Variants in EFCAB14 observed in about 807,000 individuals in gnomAD.
The protein encoded by EFCAB14 is EF-hand calcium-binding domain-containing protein 14.
In EFCAB14, 43 loss-of-function variants were observed where a neutral mutation model predicts 56.5. The observed-to-expected ratio is 0.76, with a 90% CI of 0.60 to 0.98. The LOEUF is 0.98. EFCAB14 is among the 50% of genes least tolerant of loss of function. The pLI is 0.00. For synonymous variants in EFCAB14, 235 were observed against 212.9 expected (o/e 1.10, Z -0.90); for missense variants, 538 against 580.3 (o/e 0.93, Z 0.75).
chr1:46,679,483 AGTAGAGATG>A, intron 10 of EFCAB14, among the ~76,000 whole-genome samples: 1 of 149,614 alleles, frequency 6.7e-6, no homozygotes, highest in East Asian at 2.0e-4. Flanking sequence ...TTTAATGTTT[AGTAGAGATG>A]GGGTTTCACC....
chr1:46,699,100 A>G (rs755978404), intron 3 of EFCAB14, among the ~76,000 whole-genome samples: 2 of 152,224 alleles, frequency 1.3e-5, no homozygotes, highest in Non-Finnish European at 2.9e-5. Context: ...GGAGCTTTCA[A>G]TATAACTGAG....
At chr1:46,692,025 T>C in intron 4 of EFCAB14, 88 bp from the exon 5 acceptor site, 1 of 935,818 alleles carries the variant, frequency 1.1e-6, no homozygotes, top group Non-Finnish European at 1.6e-6. Flanking sequence ...ATGTATAATT[T>C]GAATGTTTTG....
rs1271238869 is a variant in EFCAB14, at chr1:46,677,590, T to G, written c.*871A>C. The G allele has an allele frequency of 6.6e-6, 1 of 151,784 alleles. No homozygotes were observed. Among genetic ancestry groups the G allele is most frequent in the East Asian group, 1.9e-4 (1 of 5,176 alleles). 9.4% of individuals were successfully genotyped at this position (151,784 alleles called of 1,614,324 possible). ...CGGCTTTAAGACAGACTTAAGTGGG[T>G]GGGTGGGGAAGGCAATCTAGCTCAC... On this transcript the variant is annotated 3_prime_UTR_variant, in exon 11 of 11. Coordinates refer to ENST00000371933, the MANE Select transcript of EFCAB14 (RefSeq NM_014774.3).
chr1:46,713,969 T>C (rs1677348743), intron 2 of EFCAB14, among the ~76,000 whole-genome samples: 1 of 152,158 alleles, frequency 6.6e-6, no homozygotes, highest in South Asian at 2.1e-4. Context: ...GTTTCTTATA[T>C]CATACTCTAA....
At chr1:46,678,660 A>G in intron 10 of EFCAB14, 24 bp from the exon 11 acceptor site, 1 of 1,601,518 alleles carries the variant, frequency 6.2e-7, no homozygotes, top group Non-Finnish European at 8.5e-7. Context: ...ATTACAAAAA[A>G]TGTATACGTC....
chr1:46,685,778 T>C (rs994507299), intron 8 of EFCAB14, among the ~76,000 whole-genome samples: 1 of 152,214 alleles, frequency 6.6e-6, no homozygotes, highest in African/African-American at 2.4e-5. Context: ...ATTAGTTTTT[T>C]TGTGCTCAAA....
chr1:46,710,226 T>C (rs1472117347), intron 2 of EFCAB14, among the ~76,000 whole-genome samples: 1 of 152,204 alleles, frequency 6.6e-6, no homozygotes, highest in African/African-American at 2.4e-5. Context: ...AATTGATATA[T>C]GGTAATTGTA....
At chr1:46,701,686 T>C (rs1330314301) in intron 3 of EFCAB14, among the ~76,000 whole-genome samples, 2 of 152,312 alleles carry the variant, frequency 1.3e-5, no homozygotes, top group East Asian at 3.9e-4. Context: ...CTGCTGCACT[T>C]TTCTCTGTGC....
rs150617933 is a variant in EFCAB14 at position 46,681,259 on chromosome 1, G to A, written c.1312+2041C>T. Among the ~76,000 whole-genome samples the A allele has an allele frequency of 1.1e-4, 17 of 152,168 alleles. No individual in the cohort carries two copies. The East Asian group carries it at 2.3e-3, about 21-fold the overall frequency. ...CAGGCATGAGCCACTGCACCTGGCC[G>A]TATATACATAACATTTAAAAAATAC... On this transcript the variant is annotated intron_variant, in intron 10 of 10. Transcript: ENST00000371933.
At chr1:46,696,680 A>C (rs1417434126) in intron 3 of EFCAB14, 31 bp from the exon 4 acceptor site, 1 of 1,600,558 alleles carries the variant, frequency 6.2e-7, no homozygotes, top group Admixed American at 1.7e-5. Context: ...AACAATGAAA[A>C]CAAATGAGAA....
At chr1:46,710,515 C>A (rs889224877) in intron 2 of EFCAB14, among the ~76,000 whole-genome samples, 1 of 152,072 alleles carries the variant, frequency 6.6e-6, no homozygotes, top group Non-Finnish European at 1.5e-5. Flanking sequence ...CTAGTATCCT[C>A]TGTTGTATTT....
intron 9 of EFCAB14, 122 bp downstream of exon 9, chr1:46,684,369 G>C: frequency 1.4e-6 from 1 of 719,610 alleles, no homozygotes; most frequent in East Asian, 2.5e-5. Flanking sequence ...CTTCATCTCG[G>C]TGCGTTCAGG....
rs754835413 is a variant in EFCAB14 at position 46,707,899 on chromosome 1, T to G, written c.480+7A>C. On this transcript the variant is annotated splice_region_variant and intron_variant, in intron 3 of 10. Coordinates refer to ENST00000371933, the MANE Select transcript of EFCAB14 (RefSeq NM_014774.3). ...AGCTTACACAGCAAAAATCAAACTT[T>G]TAGTACCTGCTTATTCATTTCTGTG... The G allele has an allele frequency of 6.2e-7, 1 of 1,606,902 alleles. No individual in the cohort carries two copies. The highest frequency in any genetic ancestry group is 8.5e-7 in the Non-Finnish European group (1 of 1,179,022).
intron 4 of EFCAB14, among the ~76,000 whole-genome samples, chr1:46,696,107 C>CTT (rs576354908): frequency 1.1e-4 from 15 of 139,354 alleles, no homozygotes; most frequent in African/African-American, 3.7e-4. Context: ...CCCAGGTCAT[C>CTT]TTTTTTTTTT....
intron 8 of EFCAB14, among the ~76,000 whole-genome samples, chr1:46,686,158 A>T (rs1676877805): frequency 6.6e-6 from 1 of 152,206 alleles, no homozygotes; most frequent in African/African-American, 2.4e-5. Flanking sequence ...CTGTAATCAC[A>T]CTTTCTTTCC....
chr1:46,704,542 CACA>C (rs961525297), intron 3 of EFCAB14, among the ~76,000 whole-genome samples: 1 of 148,796 alleles, frequency 6.7e-6, no homozygotes, highest in Non-Finnish European at 1.5e-5. Context: ...CATGTGAGGA[CACA>C]ACAAGAAAGT....
chr1:46,711,263 T>C (rs1289976785), intron 2 of EFCAB14, among the ~76,000 whole-genome samples: 1 of 152,230 alleles, frequency 6.6e-6, no homozygotes, highest in African/African-American at 2.4e-5. Context: ...TCACTGAATT[T>C]CCTATACATT....
intron 2 of EFCAB14, among the ~76,000 whole-genome samples, chr1:46,714,008 CAG>C (rs1677349364): frequency 6.6e-6 from 1 of 152,030 alleles, no homozygotes; most frequent in Non-Finnish European, 1.5e-5. Context: ...AGGATTCTGG[CAG>C]AGAATTGTGG....
At chr1:46,716,653 T>C (rs974185197) in intron 1 of EFCAB14, among the ~76,000 whole-genome samples, 28 of 152,184 alleles carry the variant, frequency 1.8e-4, no homozygotes, top group African/African-American at 4.8e-4. Flanking sequence ...AAATGTCACA[T>C]AAAACAGAAG....
Sources: allele counts gnomAD v4.1 joint callset (sites outside exome capture counted in the v4.1 genomes callset), GRCh38; gene constraint gnomAD v4.1.1; transcripts MANE v1.5; gene names NCBI Gene and HGNC (gene_info 2026-07-23, HGNC 2026-07-21).